Variants in GUCY1A2 observed in about 807,000 individuals in gnomAD.
GUCY1A2 encodes the protein guanylate cyclase soluble subunit alpha-2.
A neutral mutation model predicts 63.5 loss-of-function variants in GUCY1A2; 27 were observed. That is an observed-to-expected ratio of 0.43 (90% CI 0.31 to 0.59). The LOEUF is 0.59. GUCY1A2 is among the 20% of genes least tolerant of loss of function. The pLI is 0.11. For synonymous variants in GUCY1A2, 364 were observed against 343.5 expected (o/e 1.06, Z -0.66); for missense variants, 768 against 913.3 (o/e 0.84, Z 2.05).
In GUCY1A2 at chr11:106,731,711, TA is replaced by T. The variant is rs546860764; in HGVS notation, c.1837-23046del. 1.8e-4 allele frequency among the ~76,000 whole-genome samples: 28 copies of T among 152,114 alleles called. 1 individual carries two copies. The South Asian group carries it at 5.6e-3, about 30-fold the overall frequency. Reference sequence around the variant, plus strand: ...AGTTTCAGGATACAAAATTAATATTTAAAAATCAATAGTATTCCTATACACC... The same window carrying T: ...AGTTTCAGGATACAAAATTAATATTTAAAATCAATAGTATTCCTATACACC... On this transcript the variant is annotated intron_variant, in intron 6 of 7. Transcript: ENST00000526355.
intron 1 of GUCY1A2, among the ~76,000 whole-genome samples, chr11:107,000,276 A>C (rs1191309252): frequency 6.6e-6 from 1 of 152,196 alleles, no homozygotes; most frequent in East Asian, 1.9e-4. Flanking sequence ...GCATTTACTG[A>C]TCTTTATGTC....
chr11:107,006,761 T>C (rs1861676757), intron 1 of GUCY1A2, among the ~76,000 whole-genome samples: 1 of 152,188 alleles, frequency 6.6e-6, no homozygotes, highest in African/African-American at 2.4e-5. Flanking sequence ...AGCAGAGTGA[T>C]AGTTAATACT....
At chr11:106,833,775 A>G (rs535506361) in intron 4 of GUCY1A2, among the ~76,000 whole-genome samples, 1 of 152,194 alleles carries the variant, frequency 6.6e-6, no homozygotes, top group East Asian at 1.9e-4. Context: ...TTAATGTCTT[A>G]GACTTTTTAA....
intron 6 of GUCY1A2, among the ~76,000 whole-genome samples, chr11:106,729,909 A>C (rs1440403949): frequency 6.6e-6 from 1 of 151,410 alleles, no homozygotes; most frequent in East Asian, 1.9e-4. Context: ...GTACATTTCT[A>C]ACCCTCAGGA....
chr11:106,722,559 G>A (rs1373091347), intron 6 of GUCY1A2, among the ~76,000 whole-genome samples: 1 of 151,922 alleles, frequency 6.6e-6, no homozygotes, highest in East Asian at 1.9e-4. Context: ...TAAATCTATG[G>A]ACTAGAATAT....
At chr11:106,851,273 T>G (rs1232514172) in intron 4 of GUCY1A2, among the ~76,000 whole-genome samples, 3 of 151,988 alleles carry the variant, frequency 2.0e-5, no homozygotes, top group Non-Finnish European at 2.9e-5. Context: ...GATAAATAGT[T>G]TGCAAATATT....
intron 5 of GUCY1A2, among the ~76,000 whole-genome samples, chr11:106,779,562 A>G (rs375781917): frequency 5.9e-5 from 9 of 152,314 alleles, no homozygotes; most frequent in African/African-American, 2.2e-4. Context: ...AATGCTTTGC[A>G]GTAGCTCTGA....
At chr11:106,976,152 A>G (rs576201397) in intron 3 of GUCY1A2, among the ~76,000 whole-genome samples, 17 of 152,284 alleles carry the variant, frequency 1.1e-4, no homozygotes, top group Admixed American at 8.5e-4. Context: ...AAGGTAAGAG[A>G]AATATATGTT....
At position 106,854,205 on chromosome 11, in the gene GUCY1A2, T is replaced by C. The variant is rs894084004; in HGVS notation, c.1207-43727A>G. ...TGTTTGGGCCCCTGGACAGTGTGCA[T>C]AGCACTGGCAGTGACAATAGCAGTG... On this transcript the variant is annotated intron_variant, in intron 4 of 7. Transcript: ENST00000526355. Among the ~76,000 whole-genome samples, 6 of 152,132 alleles carry C rather than the reference T, an allele frequency of 3.9e-5. No individual in the cohort carries two copies. In the South Asian group the frequency reaches 6.2e-4, roughly 16 times the overall value.
At chr11:106,707,885 A>G (rs1382737887) in intron 7 of GUCY1A2, among the ~76,000 whole-genome samples, 1 of 152,158 alleles carries the variant, frequency 6.6e-6, no homozygotes, top group Non-Finnish European at 1.5e-5. Flanking sequence ...AAAATCCCAA[A>G]GTCCAAAATG....
At position 106,767,225 on chromosome 11, in the gene GUCY1A2, C is replaced by A. The variant is rs1474655355; in HGVS notation, c.1836+9214G>T. 3.9e-5 allele frequency among the ~76,000 whole-genome samples: 6 copies of A among 152,068 alleles called. No homozygotes were observed. The South Asian group carries it at 1.0e-3, about 26-fold the overall frequency. On this transcript the variant is annotated intron_variant, in intron 6 of 7. Coordinates refer to ENST00000526355, the MANE Select transcript of GUCY1A2 (RefSeq NM_000855.3). ...TATTTAACTAACAAAATACTCAAACCATGTCTCCACTAAAGAATGTATTTT... is the reference window on the plus strand; with the variant it reads ...TATTTAACTAACAAAATACTCAAACAATGTCTCCACTAAAGAATGTATTTT...
In GUCY1A2 at chr11:106,678,534, T is replaced by C. The variant is rs148583812; in HGVS notation, c.*9015A>G. 38 of 213,206 alleles carry C rather than the reference T, an allele frequency of 1.8e-4. No homozygotes were observed. In the East Asian group the frequency reaches 2.5e-3, roughly 14 times the overall value. The allele number at this position is 213,206 out of a possible 1,614,324, so 13.2% of individuals were successfully genotyped here. A position where few individuals can be genotyped will look rare whatever the true frequency, so the allele number is the denominator to read the frequency against. On this transcript the variant is annotated 3_prime_UTR_variant, in exon 8 of 8. Transcript: ENST00000526355. ...AAGAGTGATATTGACCATGAAGAAA[T>C]AGTTCTTGGGAGGCAATAAAAGTAG... is the stretch of plus-strand genomic sequence containing the variant.
At chr11:106,959,985 T>C (rs140357989) in intron 3 of GUCY1A2, among the ~76,000 whole-genome samples, 2,102 of 152,300 alleles carry the variant, frequency 0.014, 30 homozygotes, top group South Asian at 0.048. Flanking sequence ...ATCTCCATGT[T>C]GGAGTCTGTT....
intron 1 of GUCY1A2, among the ~76,000 whole-genome samples, chr11:106,992,868 C>T (rs1211712354): frequency 6.6e-6 from 1 of 152,048 alleles, no homozygotes. Flanking sequence ...CTCACCTTTC[C>T]CCACCCTCTG....
At chr11:106,959,528 G>T (rs1321621729) in intron 3 of GUCY1A2, among the ~76,000 whole-genome samples, 1 of 152,164 alleles carries the variant, frequency 6.6e-6, no homozygotes, top group Non-Finnish European at 1.5e-5. Flanking sequence ...AGTGTTTGTA[G>T]CTGTCAGCTC....
Position 106,683,177 on chromosome 11 carries a change from T to C in GUCY1A2, c.*4372A>G. 1 of 214,804 alleles carries C rather than the reference T, an allele frequency of 4.7e-6. No individual in the cohort carries two copies. The highest frequency in any genetic ancestry group is 9.4e-6 in the Non-Finnish European group (1 of 106,370). The allele number at this position is 214,804 out of a possible 1,614,324, so 13.3% of individuals were successfully genotyped here. On this transcript the variant is annotated 3_prime_UTR_variant, in exon 8 of 8. Transcript: ENST00000526355. ...TAATTCAGTCTCATGCATCATGATT[T>C]TTGGGTTATATCTATTATTAAGCTA...
intron 7 of GUCY1A2, among the ~76,000 whole-genome samples, chr11:106,690,424 G>C (rs1263344015): frequency 6.6e-6 from 1 of 152,174 alleles, no homozygotes; most frequent in Non-Finnish European, 1.5e-5. Flanking sequence ...TGCAGGAACA[G>C]AAAACCAAAT....
At chr11:106,962,406 A>G (rs559580139) in intron 3 of GUCY1A2, among the ~76,000 whole-genome samples, 1 of 151,864 alleles carries the variant, frequency 6.6e-6, no homozygotes, top group Admixed American at 6.6e-5. Flanking sequence ...AAAAAAATAC[A>G]AATATTTTTG....
chr11:106,679,193 ACT>A lies in GUCY1A2; in HGVS notation c.*8354_*8355del, dbSNP rs1862392921. On this transcript the variant is annotated 3_prime_UTR_variant, in exon 8 of 8. Transcript: ENST00000526355. ...CTTTTAAAGTTTCTGTTCTAAACAAACTCTATATGAATTAACCAGTTACATGT... is the reference window on the plus strand; with the variant it reads ...CTTTTAAAGTTTCTGTTCTAAACAAACTATATGAATTAACCAGTTACATGT... 5.4e-6 allele frequency: 1 copy of A among 186,234 alleles called. No homozygotes were observed. The highest frequency in any genetic ancestry group is 6.2e-5 in the Admixed American group (1 of 16,116). 11.5% of individuals were successfully genotyped at this position (186,234 alleles called of 1,614,324 possible).
Sources: allele counts gnomAD v4.1 joint callset (sites outside exome capture counted in the v4.1 genomes callset), GRCh38; gene constraint gnomAD v4.1.1; transcripts MANE v1.5; gene names NCBI Gene and HGNC (gene_info 2026-07-23, HGNC 2026-07-21).